Variants in TNRC18 observed in about 807,000 individuals in gnomAD.
TNRC18 encodes trinucleotide repeat containing 18.
In TNRC18, 69 loss-of-function variants were observed where a neutral mutation model predicts 226.7. The observed-to-expected ratio is 0.30, with a 90% CI of 0.25 to 0.37. The LOEUF is 0.37. Among genes scored for constraint, TNRC18 ranks in the 10% least tolerant of loss-of-function variants. The probability of loss-of-function intolerance (pLI) is 1.00; values close to 1 mark genes in which losing one functional copy is unlikely to be tolerated. For missense variants in TNRC18, 4,754 were observed against 4,256.6 expected (o/e 1.12, Z -3.25); for synonymous variants, 2,449 against 1,927.6 (o/e 1.27, Z -7.09).
intron 2 of TNRC18, among the ~76,000 whole-genome samples, chr7:5,399,854 C>A (rs1411800603): frequency 6.6e-6 from 1 of 151,358 alleles, no homozygotes; most frequent in Non-Finnish European, 1.5e-5. Flanking sequence ...GCGAAAACCA[C>A]CCCCCGCCCC....
At chr7:5,400,192 T>G (rs1331091703) in intron 2 of TNRC18, among the ~76,000 whole-genome samples, 3 of 152,104 alleles carry the variant, frequency 2.0e-5, no homozygotes, top group African/African-American at 7.2e-5. Flanking sequence ...CCATTGAGCC[T>G]GGTCTATGAT....
At chr7:5,421,754 C>G (rs1255317295) in intron 1 of TNRC18, among the ~76,000 whole-genome samples, 1 of 152,208 alleles carries the variant, frequency 6.6e-6, no homozygotes, top group Non-Finnish European at 1.5e-5. Context: ...AGCCCGGACT[C>G]TGCCTCGGCG....
At chr7:5,320,949 C>G in intron 22 of TNRC18, 124 bp downstream of exon 22, 1 of 741,794 alleles carries the variant, frequency 1.3e-6, no homozygotes, top group Non-Finnish European at 2.2e-6. Flanking sequence ...CACTCATGCC[C>G]CTGCCCTGTG....
intron 2 of TNRC18, among the ~76,000 whole-genome samples, chr7:5,408,493 TA>T: frequency 6.6e-6 from 1 of 150,962 alleles, no homozygotes; most frequent in South Asian, 2.1e-4. Flanking sequence ...ACTAAAAATA[TA>T]AAAATTAGCC....
chr7:5,391,188 G>A (rs998941824), intron 3 of TNRC18, among the ~76,000 whole-genome samples: 4 of 151,968 alleles, frequency 2.6e-5, no homozygotes, highest in African/African-American at 7.2e-5. Flanking sequence ...CAGCTGCTGG[G>A]TCTCCCAGGC....
At chr7:5,420,281 G>T (rs537768910) in intron 2 of TNRC18, 2 of 423,140 alleles carry the variant, frequency 4.7e-6, no homozygotes, top group Non-Finnish European at 9.5e-6. Context: ...GAGACCCAGG[G>T]TTTTCCCCTC....
At chr7:5,369,830 C>T (rs1353616237) in intron 11 of TNRC18, among the ~76,000 whole-genome samples, 1 of 152,154 alleles carries the variant, frequency 6.6e-6, no homozygotes, top group African/African-American at 2.4e-5. Context: ...TGAGAAATTT[C>T]ACCACCAGGA....
In TNRC18 at chr7:5,410,854, C is replaced by G. The variant is rs561075212; in HGVS notation, c.187+10206G>C. ...CCAGTCTGGACAACAGAGTGAGACTCCATCTCAAAAAAAAAAAAAAAAAAA... is the reference window on the plus strand; with the variant it reads ...CCAGTCTGGACAACAGAGTGAGACTGCATCTCAAAAAAAAAAAAAAAAAAA... On this transcript the variant is annotated intron_variant, in intron 2 of 29. Coordinates refer to ENST00000430969, the MANE Select transcript of TNRC18 (RefSeq NM_001080495.3). Among the ~76,000 whole-genome samples the G allele has an allele frequency of 3.0e-3, 367 of 122,462 alleles. 1 individual carries two copies. Among genetic ancestry groups the G allele is most frequent in the African/African-American group, 0.011 (332 of 29,734 alleles). The allele number at this position is 122,462 out of a possible 152,430, so 80.3% of individuals were successfully genotyped here.
chr7:5,326,502 T>C (rs1303708619), intron 19 of TNRC18, among the ~76,000 whole-genome samples: 1 of 152,012 alleles, frequency 6.6e-6, no homozygotes. Context: ...TGGAGTGCCA[T>C]GGCACAATGA....
chr7:5,352,181 G>T (rs1002629240), intron 16 of TNRC18, 87 bp from the exon 17 acceptor site: 6 of 1,363,814 alleles, frequency 4.4e-6, no homozygotes, highest in Non-Finnish European at 5.9e-6. Context: ...TTCTGAGAAC[G>T]TACTGGAAGG....
rs1780506626 is a variant in TNRC18, at chr7:5,394,332, C to T, written c.343+108G>A. On this transcript the variant is annotated intron_variant, in intron 3 of 29. Coordinates refer to ENST00000430969, the MANE Select transcript of TNRC18 (RefSeq NM_001080495.3). The surrounding 1 kb of genome is among the most constrained non-coding windows in gnomAD (Gnocchi z 4.5). The stretch of plus-strand genomic sequence containing the variant: ...AACAGGGAAGCCAGGTGACCTGGGA[C>T]CCACCAGCCCCAGCTCAGCGATGAC... 5 of 1,119,170 alleles carry T rather than the reference C, an allele frequency of 4.5e-6. No homozygotes were observed. The highest frequency in any genetic ancestry group is 1.8e-5 in the South Asian group (1 of 55,590). 69.3% of individuals were successfully genotyped at this position (1,119,170 alleles called of 1,614,324 possible).
intron 10 of TNRC18, among the ~76,000 whole-genome samples, 184 bp from the exon 11 acceptor site, chr7:5,371,548 G>A (rs1003470939): frequency 6.6e-6 from 1 of 152,188 alleles, no homozygotes; most frequent in African/African-American, 2.4e-5. Context: ...TGGCCCCAAA[G>A]TGAAAAACCA....
At position 5,352,000 on chromosome 7, in the gene TNRC18, G is replaced by A. The variant is rs1791874589; in HGVS notation, c.5289C>T (p.Ser1763=). 6.2e-7 allele frequency: 1 copy of A among 1,614,018 alleles called. No homozygotes were observed. Among genetic ancestry groups the A allele is most frequent in the Non-Finnish European group, 8.5e-7 (1 of 1,179,890 alleles). Residue 1763 remains serine, a synonymous_variant, in exon 17 of 30, where the codon AGC becomes AGT. Coordinates refer to ENST00000430969, the MANE Select transcript of TNRC18 (RefSeq NM_001080495.3). ...SSKLTPSLLC[S]MVAKNSKAAG... ...CTGCCTTGCTGTTCTTTGCCACCATGCTACACAGGAGGGAAGGCGTCAGTT... is the reference window on the plus strand; with the variant it reads ...CTGCCTTGCTGTTCTTTGCCACCATACTACACAGGAGGGAAGGCGTCAGTT...
At chr7:5,347,480 G>C (rs1791319610) in intron 17 of TNRC18, among the ~76,000 whole-genome samples, 1 of 148,438 alleles carries the variant, frequency 6.7e-6, no homozygotes, top group African/African-American at 2.5e-5. Context: ...ACAGGCATGA[G>C]CCGCCACACC....
rs748163760 is a variant in TNRC18 at position 5,324,250 on chromosome 7, G to A, written c.6406C>T (p.Pro2136Ser). Residue 2136 changes from proline to serine, a missense_variant, in exon 21 of 30, where the codon CCG (proline) becomes TCG (serine). Pro to Ser is a moderately conservative substitution (Grantham distance 74, BLOSUM62 -1). Coordinates refer to ENST00000430969, the MANE Select transcript of TNRC18 (RefSeq NM_001080495.3). The surrounding 1 kb of genome is among the most constrained non-coding windows in gnomAD (Gnocchi z 4.8). ...DSSFSEDEHL[P>S]RGGAVERPLT... The stretch of plus-strand genomic sequence containing the variant: ...GGCCGCTCCACAGCCCCGCCACGCG[G>A]CAGGTGCTCGTCCTCAGAGAAGCTC... The A allele has an allele frequency of 4.3e-6, 7 of 1,611,770 alleles. No individual in the cohort carries two copies. The highest frequency in any genetic ancestry group is 4.5e-5 in the East Asian group (2 of 44,876).
chr7:5,394,635 A>C lies in TNRC18; in HGVS notation c.188-40T>G. On this transcript the variant is annotated intron_variant, in intron 2 of 29. Transcript: ENST00000430969. The surrounding 1 kb of genome is among the most constrained non-coding windows in gnomAD (Gnocchi z 4.5). ...TGGGAGGACCGTCAGGCAGACAACC[A>C]GGGAGGCGCCGCCGCCCCAGCCCAC... 4 of 1,506,344 alleles carry C rather than the reference A, an allele frequency of 2.7e-6. No homozygotes were observed. Among genetic ancestry groups the C allele is most frequent in the Non-Finnish European group, 2.7e-6 (3 of 1,121,864 alleles). The allele number at this position is 1,506,344 out of a possible 1,614,324, so 93.3% of individuals were successfully genotyped here.
In TNRC18 at chr7:5,313,843, C is replaced by T. The variant is rs532506712; in HGVS notation, c.7048G>A (p.Glu2350Lys). The T allele has an allele frequency of 1.3e-6, 2 of 1,490,048 alleles. No individual in the cohort carries two copies. The highest frequency in any genetic ancestry group is 2.9e-5 in the South Asian group (2 of 69,466). The allele number at this position is 1,490,048 out of a possible 1,614,324, so 92.3% of individuals were successfully genotyped here. The change falls in exon 27 of 30, where the codon GAG (glutamate) becomes AAG (lysine). Residue 2350 changes from glutamate (E) to lysine (K), a missense_variant. Transcript: ENST00000430969. ...GGGACCTCGTCTGTTGGGTTCCCCT[C>T]CTCCAGGGTAGCGGCTCTGTCTGCA... The part of the protein sequence containing the change: ...AKGDRAATLE[E>K]GNPTDEVPST...
Position 5,349,754 on chromosome 7 carries a change from G to A in TNRC18, c.5470+2065C>T, listed in dbSNP as rs118002844. On this transcript the variant is annotated intron_variant, in intron 17 of 29. Coordinates refer to ENST00000430969, the MANE Select transcript of TNRC18 (RefSeq NM_001080495.3). ...AGCGTCATGGGGAGGGGTCAAGGGTGGAGGGATGGTCGGGCTGCTGGAAGA... is the reference window on the plus strand; with the variant it reads ...AGCGTCATGGGGAGGGGTCAAGGGTAGAGGGATGGTCGGGCTGCTGGAAGA... Among the ~76,000 whole-genome samples, 1,334 of 152,334 alleles carry A rather than the reference G, an allele frequency of 8.8e-3. 11 individuals carry two copies. Among genetic ancestry groups the A allele is most frequent in the South Asian group, 0.018 (86 of 4,826 alleles).
intron 19 of TNRC18, among the ~76,000 whole-genome samples, chr7:5,327,395 G>C (rs971443661): frequency 4.7e-5 from 7 of 147,726 alleles, no homozygotes; most frequent in Non-Finnish European, 1.1e-4. Flanking sequence ...GTGTGTGTGT[G>C]TGTGTGTGTG....
Sources: allele counts gnomAD v4.1 joint callset (sites outside exome capture counted in the v4.1 genomes callset), GRCh38; gene constraint gnomAD v4.1.1; non-coding constraint Gnocchi (gnomAD v3.1); transcripts MANE v1.5; gene names NCBI Gene and HGNC (gene_info 2026-07-23, HGNC 2026-07-21).